The following SRFBP1 variants were observed in gnomAD, a reference collection of about 807,000 sequenced individuals.
SRFBP1 encodes serum response factor-binding protein 1.
In SRFBP1, 47 loss-of-function variants were observed where a neutral mutation model predicts 45.5. That is an observed-to-expected ratio of 1.03 (90% CI 0.82 to 1.32). The LOEUF is 1.32. SRFBP1 is among the 40% of genes most tolerant of loss of function. The probability of loss-of-function intolerance (pLI) is 0.00; values close to 1 mark genes in which losing one functional copy is unlikely to be tolerated. For synonymous variants in SRFBP1, 203 were observed against 166.3 expected (o/e 1.22, Z -1.70); for missense variants, 621 against 484.6 (o/e 1.28, Z -2.64).
Position 121,977,948 on chromosome 5 carries a change from G to A in SRFBP1, c.198+2561G>A, listed in dbSNP as rs549556358. ...TAATAGTGTCCATACTTTTAACTTT[G>A]ATATTAGTAGAAATATTGCCTTCTA... On this transcript the variant is annotated intron_variant, in intron 3 of 7. Coordinates refer to ENST00000339397, the MANE Select transcript of SRFBP1 (RefSeq NM_152546.3). Among the ~76,000 whole-genome samples, 158 of 152,126 alleles carry A rather than the reference G, an allele frequency of 1.0e-3. 2 individuals carry two copies. Among genetic ancestry groups the A allele is most frequent in the African/African-American group, 3.8e-3 (156 of 41,512 alleles).
chr5:122,019,371 A>G (rs760227090), intron 5 of SRFBP1, 30 bp downstream of exon 5: 13 of 1,550,702 alleles, frequency 8.4e-6, no homozygotes, highest in Admixed American at 1.8e-5. Flanking sequence ...TAAGCCATGT[A>G]CTTAATGTAT....
At chr5:121,984,918 G>A (rs926640769) in intron 3 of SRFBP1, among the ~76,000 whole-genome samples, 6 of 151,832 alleles carry the variant, frequency 4.0e-5, no homozygotes, top group African/African-American at 1.4e-4. Context: ...TCAAAAGACA[G>A]AAGTTTTACC....
chr5:122,003,420 A>C (rs1752914380), intron 4 of SRFBP1, among the ~76,000 whole-genome samples: 1 of 152,200 alleles, frequency 6.6e-6, no homozygotes, highest in Admixed American at 6.5e-5. Flanking sequence ...AGACAAAATA[A>C]TGACACGTTG....
At chr5:121,999,213 G>T (rs1246359968) in intron 4 of SRFBP1, among the ~76,000 whole-genome samples, 1 of 151,940 alleles carries the variant, frequency 6.6e-6, no homozygotes, top group African/African-American at 2.4e-5. Flanking sequence ...AATTTCCTTT[G>T]AACCCTCTTT....
chr5:121,995,032 C>A lies in SRFBP1; in HGVS notation c.270+362C>A, dbSNP rs567642967. On this transcript the variant is annotated intron_variant, in intron 4 of 7. Coordinates refer to ENST00000339397, the MANE Select transcript of SRFBP1 (RefSeq NM_152546.3). Reference sequence around the variant, plus strand: ...CATAAAGCAAGTCCTGAGTGACCTACAAAGAGACTTAGACTCCCATACAAT... The same window carrying A: ...CATAAAGCAAGTCCTGAGTGACCTAAAAAGAGACTTAGACTCCCATACAAT... Among the ~76,000 whole-genome samples, 654 of 151,070 alleles carry A rather than the reference C, an allele frequency of 4.3e-3. 14 individuals carry two copies. The East Asian group carries it at 0.045, about 10-fold the overall frequency.
chr5:122,012,518 GT>G (rs1460645595), intron 4 of SRFBP1, among the ~76,000 whole-genome samples: 5 of 151,908 alleles, frequency 3.3e-5, no homozygotes, highest in Non-Finnish European at 5.9e-5. Flanking sequence ...CATTTGCACA[GT>G]TTTTTTCCAT....
intron 2 of SRFBP1, among the ~76,000 whole-genome samples, chr5:122,051,966 T>G (rs1205626723): frequency 1.3e-5 from 2 of 152,184 alleles, no homozygotes; most frequent in Non-Finnish European, 2.9e-5. Context: ...CCCTCAGCAT[T>G]TGGTTGTCTG....
rs191242380 is a variant in SRFBP1, at chr5:122,020,708, G to T, written c.973G>T (p.Asp325Tyr). 664 of 1,612,954 alleles carry T rather than the reference G, an allele frequency of 4.1e-4. 1 individual carries two copies. Among genetic ancestry groups the T allele is most frequent in the African/African-American group, 3.9e-3 (293 of 74,944 alleles). ...AGAAGATACAGGTGAAACTCATGGGGATACAAGAAATGACAAAATCAAGCC... is the reference window on the plus strand; with the variant it reads ...AGAAGATACAGGTGAAACTCATGGGTATACAAGAAATGACAAAATCAAGCC... ...LKEDTGETHG[D>Y]TRNDKIKPST... Residue 325 changes from aspartate to tyrosine, a missense_variant, in exon 6 of 8, where the codon GAT (aspartate) becomes TAT (tyrosine). Coordinates refer to ENST00000339397, the MANE Select transcript of SRFBP1 (RefSeq NM_152546.3).
chr5:121,991,865 G>A (rs1752627658), intron 3 of SRFBP1, among the ~76,000 whole-genome samples: 1 of 152,092 alleles, frequency 6.6e-6, no homozygotes, highest in African/African-American at 2.4e-5. Context: ...GGTAATAAAC[G>A]AGTTGGTCCA....
At chr5:122,043,481 G>A (rs1023346412) in intron 2 of SRFBP1, among the ~76,000 whole-genome samples, 1 of 152,182 alleles carries the variant, frequency 6.6e-6, no homozygotes, top group African/African-American at 2.4e-5. Context: ...ATCCCAAAGT[G>A]CTAGGATTAC....
chr5:122,033,250 G>A (rs941084191), downstream of SRFBP1, among the ~76,000 whole-genome samples: 1 of 149,782 alleles, frequency 6.7e-6, no homozygotes, highest in Non-Finnish European at 1.5e-5. Context: ...TTTATGTACT[G>A]CAAATATTTT....
intron 1 of SRFBP1, among the ~76,000 whole-genome samples, chr5:121,967,002 C>T (rs547026908): frequency 7.1e-6 from 1 of 140,960 alleles, no homozygotes; most frequent in Admixed American, 7.6e-5. Flanking sequence ...ACCGTGTTAG[C>T]CAGGATGGTC....
chr5:121,986,813 T>G (rs112080113), intron 3 of SRFBP1, among the ~76,000 whole-genome samples: 2 of 152,126 alleles, frequency 1.3e-5, no homozygotes, highest in Non-Finnish European at 1.5e-5. Context: ...CTTGGATAGT[T>G]TTTGATTGGA....
intron 4 of SRFBP1, among the ~76,000 whole-genome samples, chr5:122,017,026 C>T (rs754562770): frequency 8.6e-5 from 13 of 152,012 alleles, no homozygotes; most frequent in Non-Finnish European, 1.9e-4. Flanking sequence ...GTCAGGAGTT[C>T]GACACCAGCC....
At chr5:122,006,138 T>G (rs986171530) in intron 4 of SRFBP1, among the ~76,000 whole-genome samples, 14 of 152,198 alleles carry the variant, frequency 9.2e-5, no homozygotes, top group African/African-American at 3.4e-4. Context: ...TTTCTCTTCT[T>G]TTCTGAAAGA....
At chr5:122,039,085 G>A (rs1400950392) in intron 2 of SRFBP1, among the ~76,000 whole-genome samples, 1 of 152,120 alleles carries the variant, frequency 6.6e-6, no homozygotes, top group Non-Finnish European at 1.5e-5. Flanking sequence ...TGGATCAGAG[G>A]ACTTCAAAAT....
chr5:122,077,129 A>C, downstream of SRFBP1: 1 of 1,483,350 alleles, frequency 6.7e-7, no homozygotes, highest in Non-Finnish European at 8.9e-7. The surrounding 1 kb of genome is among the most constrained non-coding windows in gnomAD (Gnocchi z 4.9). Context: ...AGCGGAGGAC[A>C]GCAAGAGAAC....
At chr5:122,051,510 CTTCT>C (rs532107241) in intron 2 of SRFBP1, among the ~76,000 whole-genome samples, 15 of 151,018 alleles carry the variant, frequency 9.9e-5, no homozygotes, top group Admixed American at 5.9e-4. Flanking sequence ...ATGCAATACC[CTTCT>C]TTATCTTTTT....
At chr5:122,024,913 C>G (rs1753446116) in intron 7 of SRFBP1, among the ~76,000 whole-genome samples, 1 of 152,014 alleles carries the variant, frequency 6.6e-6, no homozygotes, top group African/African-American at 2.4e-5. Context: ...TTATTCAAAT[C>G]TCAGTTTTTA....
Sources: gnomAD v4.1 joint callset for allele counts (sites outside exome capture counted in the v4.1 genomes callset) on GRCh38, gnomAD v4.1.1 for gene constraint, Gnocchi (gnomAD v3.1) non-coding constraint, MANE v1.5 for transcripts, NCBI Gene and HGNC (gene_info 2026-07-23, HGNC 2026-07-21) for gene names.